GALNT7: variants seen among roughly 807,000 people sequenced by gnomAD.
GALNT7 encodes N-acetylgalactosaminyltransferase 7.
A neutral mutation model predicts 82.1 loss-of-function variants in GALNT7; 60 were observed. That is an observed-to-expected ratio of 0.73 (90% CI 0.59 to 0.91). The LOEUF (loss-of-function observed/expected upper bound fraction) is 0.91, where lower values mean the gene tolerates loss of function less well. GALNT7 is among the 40% of genes least tolerant of loss of function. GALNT7 has a pLI of 0.00. For synonymous variants in GALNT7, 243 were observed against 275.1 expected, an observed-to-expected ratio of 0.88 and a Z score of 1.15; for missense variants, 660 against 804.2, an observed-to-expected ratio of 0.82 and a Z score of 2.17.
At position 173,322,163 on chromosome 4, in the gene GALNT7, CA is replaced by C. The variant is rs1298062698; in HGVS notation, c.*447del. On this transcript the variant is annotated 3_prime_UTR_variant, in exon 12 of 12. Transcript: ENST00000265000. ...CCTGTTGTGTCTTTATTTAATTTTA[CA>C]TCTTTTTGAAGCACTGCCACAGGTT... The C allele has an allele frequency of 6.5e-6, 1 of 153,850 alleles. No homozygotes were observed. The highest frequency in any genetic ancestry group is 1.5e-5 in the Non-Finnish European group (1 of 68,830). 9.5% of individuals were successfully genotyped at this position (153,850 alleles called of 1,614,324 possible). A position where few individuals can be genotyped will look rare whatever the true frequency, so the allele number is the denominator to read the frequency against.
intron 8 of GALNT7, among the ~76,000 whole-genome samples, chr4:173,305,715 G>C (rs972227577): frequency 2.6e-5 from 4 of 152,048 alleles, no homozygotes; most frequent in African/African-American, 4.8e-5. Flanking sequence ...TAAATGCGTG[G>C]ATTATTTCTG....
intron 8 of GALNT7, among the ~76,000 whole-genome samples, chr4:173,304,410 A>G (rs975427245): frequency 2.6e-5 from 4 of 152,092 alleles, no homozygotes; most frequent in Admixed American, 1.3e-4. Context: ...TAAAAAAAAA[A>G]AAGATTGCAC....
At chr4:173,275,559 T>TCATGAG (rs1441120822) in intron 2 of GALNT7, among the ~76,000 whole-genome samples, 1 of 152,210 alleles carries the variant, frequency 6.6e-6, no homozygotes, top group African/African-American at 2.4e-5. Context: ...GCTCTTTGTT[T>TCATGAG]CATGAGCTAC....
At chr4:173,306,906 A>C (rs551869313) in intron 8 of GALNT7, among the ~76,000 whole-genome samples, 14 of 152,108 alleles carry the variant, frequency 9.2e-5, no homozygotes, top group African/African-American at 3.4e-4. Context: ...TGGACCAGTC[A>C]CCTCTTGCGG....
chr4:173,192,881 G>A (rs923713669), intron 1 of GALNT7, among the ~76,000 whole-genome samples: 1 of 152,164 alleles, frequency 6.6e-6, no homozygotes, highest in Admixed American at 6.5e-5. Context: ...TCCAAGCTAG[G>A]TCAACTGTAT....
chr4:173,217,449 A>G (rs1733507921), intron 1 of GALNT7, among the ~76,000 whole-genome samples: 1 of 152,192 alleles, frequency 6.6e-6, no homozygotes, highest in Non-Finnish European at 1.5e-5. Flanking sequence ...CCATTAATTT[A>G]CCCTAATAAT....
chr4:173,321,584 T>A lies in GALNT7; in HGVS notation c.1841T>A (p.Leu614Gln). The change falls in exon 12 of 12, where the codon CTG becomes CAG. Residue 614 changes from leucine to glutamine, a missense_variant. By Grantham distance (113) the Leu-to-Gln change is moderately radical (BLOSUM62 -2). Coordinates refer to ENST00000265000, the MANE Select transcript of GALNT7 (RefSeq NM_017423.3). ...EFKEWQYFKN[L>Q]HRFTHIPSGK... Reference sequence around the variant, plus strand: ...TTTTCTTACTGTGTTTTCCAGAACCTGCACAGATTTACTCATATTCCTTCA... The same window carrying A: ...TTTTCTTACTGTGTTTTCCAGAACCAGCACAGATTTACTCATATTCCTTCA... 6.2e-7 allele frequency: 1 copy of A among 1,611,216 alleles called. No homozygotes were observed.
intron 1 of GALNT7, among the ~76,000 whole-genome samples, chr4:173,171,849 T>G (rs1481701388): frequency 2.0e-5 from 3 of 152,156 alleles, no homozygotes; most frequent in Admixed American, 2.0e-4. Flanking sequence ...CAATCAAACC[T>G]CGATAAATAT....
At chr4:173,305,075 T>G (rs1466069877) in intron 8 of GALNT7, among the ~76,000 whole-genome samples, 1 of 152,178 alleles carries the variant, frequency 6.6e-6, no homozygotes, top group Non-Finnish European at 1.5e-5. Context: ...GTTCTATTTT[T>G]AATATTCTGA....
intron 1 of GALNT7, among the ~76,000 whole-genome samples, chr4:173,231,840 G>A (rs62342296): frequency 0.12 from 17,976 of 152,140 alleles, 1,369 homozygotes; most frequent in Non-Finnish European, 0.17. Flanking sequence ...GAGAAAGGAA[G>A]ACACATAACA....
In GALNT7 at chr4:173,256,494, G is replaced by A. The variant is rs532565482; in HGVS notation, c.587+8054G>A. On this transcript the variant is annotated intron_variant, in intron 2 of 11. Coordinates refer to ENST00000265000, the MANE Select transcript of GALNT7 (RefSeq NM_017423.3). ...TCCCAAAGTTCCTAAAGTTTGTGTG[G>A]TCTGGTCATTGTCCCTATTTTTTTT... is the stretch of plus-strand genomic sequence containing the variant. 2.0e-3 allele frequency among the ~76,000 whole-genome samples: 305 copies of A among 152,114 alleles called. 2 individuals are homozygous for A. The highest frequency in any genetic ancestry group is 6.8e-3 in the African/African-American group (284 of 41,512).
intron 1 of GALNT7, among the ~76,000 whole-genome samples, chr4:173,226,809 G>A (rs1733846055): frequency 6.6e-6 from 1 of 152,118 alleles, no homozygotes; most frequent in East Asian, 1.9e-4. Context: ...ATTTAAATGA[G>A]GTGAGGCTAT....
chr4:173,311,647 TG>T (rs1469746778), intron 8 of GALNT7, among the ~76,000 whole-genome samples: 1 of 151,918 alleles, frequency 6.6e-6, no homozygotes, highest in Admixed American at 6.6e-5. Context: ...GGCATGGGGG[TG>T]GGGGGTGGAC....
chr4:173,283,274 A>G (rs572516015), intron 2 of GALNT7, among the ~76,000 whole-genome samples: 6 of 152,356 alleles, frequency 3.9e-5, no homozygotes, highest in Admixed American at 2.0e-4. Flanking sequence ...AAGTGCAGCA[A>G]GAATCCTTAT....
chr4:173,269,417 A>G (rs1008626559), intron 2 of GALNT7, among the ~76,000 whole-genome samples: 1 of 152,178 alleles, frequency 6.6e-6, no homozygotes, highest in African/African-American at 2.4e-5. Flanking sequence ...GGCAGCTGGA[A>G]TCATGCCAAG....
At chr4:173,169,954 C>T (rs1386903094) in intron 1 of GALNT7, among the ~76,000 whole-genome samples, 3 of 152,090 alleles carry the variant, frequency 2.0e-5, no homozygotes, top group East Asian at 1.9e-4. Context: ...CATTTGTCTG[C>T]CGCCCAGGGC....
chr4:173,261,218 G>A (rs865917538), intron 2 of GALNT7, among the ~76,000 whole-genome samples: 27 of 152,088 alleles, frequency 1.8e-4, no homozygotes, highest in African/African-American at 4.8e-4. Context: ...TGGCCAGGAC[G>A]CCATCCTATC....
chr4:173,207,056 C>G (rs1404404755), intron 1 of GALNT7, among the ~76,000 whole-genome samples: 1 of 152,216 alleles, frequency 6.6e-6, no homozygotes, highest in African/African-American at 2.4e-5. Context: ...GACTCTATAT[C>G]AGCTCTCTTC....
chr4:173,248,395 A>G lies in GALNT7; in HGVS notation c.542A>G (p.Asp181Gly). 6.2e-7 allele frequency: 1 copy of G among 1,613,308 alleles called. No individual in the cohort carries two copies. The highest frequency in any genetic ancestry group is 8.5e-7 in the Non-Finnish European group (1 of 1,179,632). ...TTTGGATTTAACATGGTGGCAAGTG[A>G]CATGATCTCACTGGACCGCAGCGTC... is the stretch of plus-strand genomic sequence containing the variant. ...KEFGFNMVAS[D>G]MISLDRSVND... is the part of the protein sequence containing the mutation. The change falls in exon 2 of 12, where the codon GAC becomes GGC. Residue 181 changes from aspartate (D) to glycine (G), a missense_variant. This residue lies in a region of GALNT7 where 527 missense variants were observed against 683.5 expected (regional missense o/e 0.77). Transcript: ENST00000265000.
Sources: gnomAD v4.1 joint callset for allele counts (sites outside exome capture counted in the v4.1 genomes callset) on GRCh38, gnomAD v4.1.1 for gene constraint, gnomAD v4.1.1 regional missense constraint, MANE v1.5 for transcripts, NCBI Gene and HGNC (gene_info 2026-07-23, HGNC 2026-07-21) for gene names.